The following CACNA1S variants were observed in gnomAD, a reference collection of about 807,000 sequenced individuals.
The protein encoded by CACNA1S is calcium voltage-gated channel subunit alpha1 S.
A neutral mutation model predicts 207.4 loss-of-function variants in CACNA1S; 126 were observed. The ratio of observed to expected loss-of-function variants is 0.61; its 90% confidence interval spans 0.53 to 0.70. The LOEUF is 0.70. CACNA1S is among the 30% of genes least tolerant of loss of function. The pLI is 0.00. For missense variants in CACNA1S, 2,349 were observed against 2,422.8 expected (o/e 0.97, Z 0.64); for synonymous variants, 960 against 932.7 (o/e 1.03, Z -0.53).
intron 39 of CACNA1S, 150 bp downstream of exon 39, chr1:201,044,178 A>G: frequency 1.2e-6 from 1 of 833,430 alleles, no homozygotes; most frequent in Non-Finnish European, 1.9e-6. Context: ...GAGTCCCAGG[A>G]GAGGTGGGTG....
chr1:201,085,281 G>A (rs1022806946), intron 8 of CACNA1S, among the ~76,000 whole-genome samples, 155 bp downstream of exon 8: 1 of 152,140 alleles, frequency 6.6e-6, no homozygotes, highest in Non-Finnish European at 1.5e-5. Context: ...GGTCACACCT[G>A]GATCTTACCA....
Position 201,066,832 on chromosome 1 carries a change from C to T in CACNA1S, c.2657+55G>A, listed in dbSNP as rs1661260138. 1.5e-6 allele frequency: 2 copies of T among 1,365,844 alleles called. No homozygotes were observed. The highest frequency in any genetic ancestry group is 1.4e-5 in the African/African-American group (1 of 69,980). The allele number at this position is 1,365,844 out of a possible 1,614,324, so 84.6% of individuals were successfully genotyped here. On this transcript the variant is annotated intron_variant, in intron 20 of 43. Coordinates refer to ENST00000362061, the MANE Select transcript of CACNA1S (RefSeq NM_000069.3). This position sits in a 1 kb window ranked among gnomAD's most constrained non-coding sequence, Gnocchi z 4.3. ...TGGGTGGGACTCCCACTACAAAGCC[C>T]TGGCACAGAGCAGAGGGTGGTCTGT...
At chr1:201,045,528 A>G (rs1660441032) in intron 38 of CACNA1S, among the ~76,000 whole-genome samples, 2 of 152,086 alleles carry the variant, frequency 1.3e-5, no homozygotes, top group Admixed American at 6.6e-5. Flanking sequence ...TGAGGTCAGG[A>G]GTTTGAGACC....
intron 2 of CACNA1S, among the ~76,000 whole-genome samples, chr1:201,107,514 A>G (rs1008464530): frequency 1.3e-5 from 2 of 152,250 alleles, no homozygotes; most frequent in African/African-American, 2.4e-5. Flanking sequence ...GTTCACAGTG[A>G]TATCCCCAGT....
Position 201,059,195 on chromosome 1 carries a change from C to G in CACNA1S, c.3519G>C (p.Lys1173Asn). The change falls in exon 27 of 44, where the codon AAG (lysine) becomes AAC (asparagine). Residue 1173 changes from lysine (K) to asparagine (N), a missense_variant. By Grantham distance (94) the Lys-to-Asn change is moderately conservative (BLOSUM62 0). Coordinates refer to ENST00000362061, the MANE Select transcript of CACNA1S (RefSeq NM_000069.3). Reference sequence around the variant, plus strand: ...CGGTGGCCCCCACACTCACCCTGGCCTTGAAGGCCATGAGCTTGAGGATCA... The same window carrying G: ...CGGTGGCCCCCACACTCACCCTGGCGTTGAAGGCCATGAGCTTGAGGATCA... ...LEMILKLMAF[K>N]ARGYFGDPWN... 2 of 1,611,194 alleles carry G rather than the reference C, an allele frequency of 1.2e-6. No individual in the cohort carries two copies. The highest frequency in any genetic ancestry group is 1.7e-6 in the Non-Finnish European group (2 of 1,177,398).
Position 201,070,353 on chromosome 1 carries a change from G to T in CACNA1S, c.2279C>A (p.Pro760His). ...PEIPLSPRPRPLAELQLKEKA... is the reference protein window; with the variant it reads ...PEIPLSPRPRHLAELQLKEKA... Reference sequence around the variant, plus strand: ...CTCTTTCAGCTGCAGCTCAGCCAGGGGACGTGGTCGGGGGCTCAGCGGGAT... The same window carrying T: ...CTCTTTCAGCTGCAGCTCAGCCAGGTGACGTGGTCGGGGGCTCAGCGGGAT... The change falls in exon 17 of 44, where the codon CCC (proline) becomes CAC (histidine). Residue 760 changes from proline (P) to histidine (H), a missense_variant. Coordinates refer to ENST00000362061, the MANE Select transcript of CACNA1S (RefSeq NM_000069.3). The T allele has an allele frequency of 6.2e-7, 1 of 1,614,094 alleles. No individual in the cohort carries two copies. Among genetic ancestry groups the T allele is most frequent in the Non-Finnish European group, 8.5e-7 (1 of 1,180,014 alleles).
At chr1:201,049,482 C>T (rs1370286193) in intron 34 of CACNA1S, among the ~76,000 whole-genome samples, 1 of 108,690 alleles carries the variant, frequency 9.2e-6, no homozygotes, top group Non-Finnish European at 2.1e-5. Context: ...AAGCCCACTT[C>T]CAGAGGCTGG....
chr1:201,101,746 T>C (rs1662674753), intron 2 of CACNA1S, among the ~76,000 whole-genome samples: 1 of 152,214 alleles, frequency 6.6e-6, no homozygotes, highest in Non-Finnish European at 1.5e-5. Context: ...TCTCAGGTCT[T>C]GGAGCCCCAT....
chr1:201,104,663 G>A (rs1464161096), intron 2 of CACNA1S, among the ~76,000 whole-genome samples: 1 of 152,208 alleles, frequency 6.6e-6, no homozygotes, highest in Non-Finnish European at 1.5e-5. Flanking sequence ...TTTACTCACA[G>A]TTGTGTTTTC....
rs1374411779 is a variant in CACNA1S, at chr1:201,050,445, G to A, written c.4185C>T (p.Gly1395=). ...DYLTRDWSIL[G]PHHLDEFKAI... is the part of the protein sequence containing the mutation. ...CCTTGAACTCATCCAGGTGATGAGG[G>A]CCCAGGATGGACCAGTCCCGGGTGA... Residue 1395 remains glycine, a synonymous_variant, in exon 34 of 44, where the codon GGC becomes GGT. Coordinates refer to ENST00000362061, the MANE Select transcript of CACNA1S (RefSeq NM_000069.3). 8 of 1,614,008 alleles carry A rather than the reference G, an allele frequency of 5.0e-6. No homozygotes were observed. The highest frequency in any genetic ancestry group is 2.2e-5 in the South Asian group (2 of 91,072).
At chr1:201,083,700 G>A (rs553446529) in intron 9 of CACNA1S, among the ~76,000 whole-genome samples, 1 of 152,326 alleles carries the variant, frequency 6.6e-6, no homozygotes, top group African/African-American at 2.4e-5. Flanking sequence ...AGGGTGAGGG[G>A]AAATGAGCTT....
chr1:201,094,596 A>G (rs1423075322), intron 2 of CACNA1S, among the ~76,000 whole-genome samples: 1 of 152,046 alleles, frequency 6.6e-6, no homozygotes, highest in Non-Finnish European at 1.5e-5. Flanking sequence ...ACGGGGGTGG[A>G]TTACTCAGAA....
chr1:201,090,764 A>C (rs1662194717), intron 5 of CACNA1S, among the ~76,000 whole-genome samples: 1 of 152,200 alleles, frequency 6.6e-6, no homozygotes, highest in Non-Finnish European at 1.5e-5. Context: ...CAGAGGCTAC[A>C]TGAGTTGTGA....
At position 201,077,015 on chromosome 1, in the gene CACNA1S, T is replaced by G. The variant is rs768900181; in HGVS notation, c.1732A>C (p.Met578Leu). 2 of 1,614,212 alleles carry G rather than the reference T, an allele frequency of 1.2e-6. No homozygotes were observed. Among genetic ancestry groups the G allele is most frequent in the South Asian group, 1.1e-5 (1 of 91,084 alleles). Reference sequence around the variant, plus strand: ...TCATACCTCCCCCCAAAGAGCTGCATGCCCAGGAGGGCGAAGATGACGATG... The same window carrying G: ...TCATACCTCCCCCCAAAGAGCTGCAGGCCCAGGAGGGCGAAGATGACGATG... ...LFIVIFALLG[M>L]QLFGGRYDFE... The change falls in exon 12 of 44, where the codon ATG becomes CTG. Residue 578 changes from methionine (M) to leucine (L), a missense_variant. By Grantham distance (15) the Met-to-Leu change is conservative (BLOSUM62 2). Coordinates refer to ENST00000362061, the MANE Select transcript of CACNA1S (RefSeq NM_000069.3).
chr1:201,097,637 C>T (rs1662486149), intron 2 of CACNA1S, among the ~76,000 whole-genome samples: 1 of 152,234 alleles, frequency 6.6e-6, no homozygotes, highest in African/African-American at 2.4e-5. Context: ...ACGTCATCCT[C>T]ACATGTGTTT....
At chr1:201,103,689 G>C (rs1036343520) in intron 2 of CACNA1S, among the ~76,000 whole-genome samples, 2 of 152,224 alleles carry the variant, frequency 1.3e-5, no homozygotes, top group Non-Finnish European at 2.9e-5. Context: ...TGCTCTGCAG[G>C]TCCTGGATCT....
At position 201,040,005 on chromosome 1, in the gene CACNA1S, A is replaced by C; in HGVS notation, c.5448T>G (p.Asp1816Glu). The stretch of plus-strand genomic sequence containing the variant: ...CTTCCTCTGGTTCCATTTGGCAGGC[A>C]TCTGCCAGGGCCTGGCCTGTTGCCA... ...FIMATGQALA[D>E]ACQMEPEEVE... Residue 1816 changes from aspartate to glutamate, a missense_variant, in exon 44 of 44, where the codon GAT becomes GAG. Asp to Glu is a conservative substitution (Grantham distance 45). Coordinates refer to ENST00000362061, the MANE Select transcript of CACNA1S (RefSeq NM_000069.3). 6.2e-7 allele frequency: 1 copy of C among 1,614,236 alleles called. No homozygotes were observed. Among genetic ancestry groups the C allele is most frequent in the Non-Finnish European group, 8.5e-7 (1 of 1,180,032 alleles).
rs550554280 is a variant in CACNA1S, at chr1:201,079,726, G to T, written c.1394-1622C>A. ...TTGCCCCAAACATTGAAAGGAACTG[G>T]CCACAGCCCTGAGCCAGATTCCTTA... On this transcript the variant is annotated intron_variant, in intron 10 of 43. Coordinates refer to ENST00000362061, the MANE Select transcript of CACNA1S (RefSeq NM_000069.3). Among the ~76,000 whole-genome samples the T allele has an allele frequency of 2.7e-4, 41 of 152,238 alleles. No homozygotes were observed. In the South Asian group the frequency reaches 7.9e-3, roughly 29 times the overall value.
chr1:201,094,793 G>A (rs1662357348), intron 2 of CACNA1S, among the ~76,000 whole-genome samples: 1 of 152,116 alleles, frequency 6.6e-6, no homozygotes, highest in Admixed American at 6.5e-5. Flanking sequence ...AAGAAGCTGA[G>A]GTTTCAGCTC....
Sources: gnomAD v4.1 joint callset for allele counts (sites outside exome capture counted in the v4.1 genomes callset) on GRCh38, gnomAD v4.1.1 for gene constraint, Gnocchi (gnomAD v3.1) non-coding constraint, MANE v1.5 for transcripts, NCBI Gene and HGNC (gene_info 2026-07-23, HGNC 2026-07-21) for gene names.